RNF145: variants seen among roughly 807,000 people sequenced by gnomAD.
The protein encoded by RNF145 is ring finger protein 145.
Under a neutral mutation model 57.3 loss-of-function variants are expected in RNF145, and 12 were observed. The observed-to-expected ratio is 0.21, with a 90% CI of 0.13 to 0.34. The LOEUF (loss-of-function observed/expected upper bound fraction) is 0.34. Among genes scored for constraint, RNF145 ranks in the 10% least tolerant of loss-of-function variants. RNF145 has a pLI of 1.00. For synonymous variants in RNF145, 262 were observed against 288.3 expected, an observed-to-expected ratio of 0.91 and a Z score of 0.92; for missense variants, 429 against 799.0, an observed-to-expected ratio of 0.54 and a Z score of 5.58.
At chr5:159,191,394 CT>C (rs1221227061) in intron 3 of RNF145, among the ~76,000 whole-genome samples, 2 of 152,008 alleles carry the variant, frequency 1.3e-5, no homozygotes, top group Non-Finnish European at 2.9e-5. Context: ...TGCCTACTTC[CT>C]TTTTTTCATC....
intron 9 of RNF145, 23 bp downstream of exon 9, chr5:159,162,909 G>A: frequency 6.4e-7 from 1 of 1,566,292 alleles, no homozygotes; most frequent in Non-Finnish European, 8.6e-7. Flanking sequence ...TTATTATATA[G>A]AGTTAATTAA....
At chr5:159,209,825 G>A (rs757895663), upstream of RNF145, 17 of 1,534,350 alleles carry the variant, frequency 1.1e-5, no homozygotes, top group South Asian at 9.5e-5. Flanking sequence ...AAACACCACG[G>A]GCCGCAAGCG....
At chr5:159,191,079 C>CAA (rs545613338) in intron 3 of RNF145, among the ~76,000 whole-genome samples, 22 of 61,312 alleles carry the variant, frequency 3.6e-4, no homozygotes, top group African/African-American at 1.3e-3. Context: ...AGCTGATGAG[C>CAA]AAAAAAAAAA....
chr5:159,184,618 A>T (rs1046704188), intron 3 of RNF145, among the ~76,000 whole-genome samples: 1 of 152,146 alleles, frequency 6.6e-6, no homozygotes, highest in African/African-American at 2.4e-5. Context: ...TAAAAACTAC[A>T]TCTTTTATTC....
chr5:159,186,538 T>C (rs954231160), intron 3 of RNF145, among the ~76,000 whole-genome samples: 6 of 152,196 alleles, frequency 3.9e-5, no homozygotes, highest in African/African-American at 1.4e-4. Context: ...TTTTGCAATA[T>C]GGGCAACAAG....
intron 1 of RNF145, among the ~76,000 whole-genome samples, chr5:159,207,257 C>G (rs1785922430): frequency 6.6e-6 from 1 of 152,092 alleles, no homozygotes; most frequent in South Asian, 2.1e-4. Flanking sequence ...TAGGTTTTTA[C>G]AGTCACAGCT....
At chr5:159,168,792 T>C (rs547245028) in intron 8 of RNF145, 81 bp downstream of exon 8, 117 of 907,084 alleles carry the variant, frequency 1.3e-4, no homozygotes, top group Admixed American at 3.1e-4. Flanking sequence ...TGTCTCTAAA[T>C]ATTCCCTAAA....
intron 3 of RNF145, among the ~76,000 whole-genome samples, chr5:159,191,988 G>C (rs998208738): frequency 2.0e-5 from 3 of 151,062 alleles, no homozygotes; most frequent in Admixed American, 6.6e-5. Context: ...AATACAGTCA[G>C]CCCTCCATAT....
At chr5:159,194,899 G>A (rs1341609235) in intron 2 of RNF145, 75 bp from the exon 3 acceptor site, 3 of 1,066,870 alleles carry the variant, frequency 2.8e-6, no homozygotes, top group African/African-American at 1.6e-5. Context: ...AAGAGCTTGA[G>A]ACAAATAATT....
intron 8 of RNF145, among the ~76,000 whole-genome samples, chr5:159,164,650 T>A (rs1413559794): frequency 6.6e-6 from 1 of 152,008 alleles, no homozygotes; most frequent in Admixed American, 6.6e-5. Flanking sequence ...AATATAAAAA[T>A]AAGGGAAAAT....
At chr5:159,202,906 A>G (rs1348117516) in intron 2 of RNF145, among the ~76,000 whole-genome samples, 1 of 151,720 alleles carries the variant, frequency 6.6e-6, no homozygotes, top group Non-Finnish European at 1.5e-5. Context: ...ATTTTTCTTG[A>G]AAGGGGATTC....
intron 3 of RNF145, among the ~76,000 whole-genome samples, chr5:159,184,898 C>T (rs1785009142): frequency 6.6e-6 from 1 of 151,880 alleles, no homozygotes; most frequent in Non-Finnish European, 1.5e-5. Flanking sequence ...ATTATAGGAC[C>T]CTAAGGGAGG....
intron 10 of RNF145, 136 bp from the exon 11 acceptor site, chr5:159,159,171 T>C (rs1485333963): frequency 1.3e-6 from 1 of 747,922 alleles, no homozygotes; most frequent in Non-Finnish European, 2.1e-6. Context: ...TAAAACTTAC[T>C]TTATATATCA....
At chr5:159,195,228 C>A (rs1331289101) in intron 2 of RNF145, among the ~76,000 whole-genome samples, 1 of 152,192 alleles carries the variant, frequency 6.6e-6, no homozygotes, top group African/African-American at 2.4e-5. Flanking sequence ...CCTTATTTCT[C>A]CAACCCCTGA....
rs113285795 is a variant in RNF145, at chr5:159,205,372, T to A, written c.-39-1716A>T. ...AATAAAATCTCTAACCTTTAATATT[T>A]ATTGCAAACCAACCACTGAGGAATC... On this transcript the variant is annotated intron_variant, in intron 1 of 10. Transcript: ENST00000424310. Among the ~76,000 whole-genome samples, 862 of 152,296 alleles carry A rather than the reference T, an allele frequency of 5.7e-3. 3 individuals are homozygous for A. Among genetic ancestry groups the A allele is most frequent in the African/African-American group, 0.019 (802 of 41,568 alleles).
chr5:159,200,429 A>T (rs1785622885), intron 2 of RNF145, among the ~76,000 whole-genome samples: 1 of 152,220 alleles, frequency 6.6e-6, no homozygotes, highest in African/African-American at 2.4e-5. Context: ...GTGAGAATTC[A>T]GTATATAATG....
Position 159,169,828 on chromosome 5 carries a change from A to G in RNF145, c.798-9T>C, listed in dbSNP as rs1049416243. The G allele has an allele frequency of 4.4e-6, 7 of 1,588,874 alleles. No individual in the cohort carries two copies. Among genetic ancestry groups the G allele is most frequent in the African/African-American group, 1.4e-5 (1 of 72,982 alleles). On this transcript the variant is annotated splice_polypyrimidine_tract_variant and intron_variant, in intron 6 of 10. Transcript: ENST00000424310. Reference sequence around the variant, plus strand: ...TGCAGCATTCCGCAATACTGGAAAAAAAGAGGGGGAAATTAACAGACATAA... The same window carrying G: ...TGCAGCATTCCGCAATACTGGAAAAGAAGAGGGGGAAATTAACAGACATAA...
chr5:159,169,426 A>G (rs1423221155), intron 7 of RNF145, among the ~76,000 whole-genome samples: 1 of 152,204 alleles, frequency 6.6e-6, no homozygotes, highest in African/African-American at 2.4e-5. Flanking sequence ...CGCTTCTGAA[A>G]ATCTCTTAAA....
intron 3 of RNF145, among the ~76,000 whole-genome samples, chr5:159,185,978 C>A (rs1785039826): frequency 1.3e-5 from 2 of 152,118 alleles, no homozygotes; most frequent in African/African-American, 4.8e-5. Flanking sequence ...AATCCCAGCA[C>A]TTTGGGAGGC....
Sources: allele counts gnomAD v4.1 joint callset (sites outside exome capture counted in the v4.1 genomes callset), GRCh38; gene constraint gnomAD v4.1.1; transcripts MANE v1.5; gene names NCBI Gene and HGNC (gene_info 2026-07-23, HGNC 2026-07-21).